SBF2: variants seen among roughly 807,000 people sequenced by gnomAD.
SBF2 encodes the protein SET binding factor 2.
SBF2 carries 112 observed loss-of-function variants against 225.2 expected under a neutral mutation model. The observed-to-expected ratio is 0.50, with a 90% CI of 0.43 to 0.58. The LOEUF (loss-of-function observed/expected upper bound fraction) is 0.58, where lower values mean the gene tolerates loss of function less well. Among genes scored for constraint, SBF2 ranks in the 20% least tolerant of loss-of-function variants. SBF2 has a pLI of 0.00. For synonymous variants in SBF2, 763 were observed against 773.3 expected (o/e 0.99, Z 0.22); for missense variants, 1,996 against 2,206.2 (o/e 0.90, Z 1.91).
chr11:10,066,893 T>C (rs934990258), intron 2 of SBF2, among the ~76,000 whole-genome samples: 2 of 152,222 alleles, frequency 1.3e-5, no homozygotes, highest in Non-Finnish European at 2.9e-5. Context: ...GTAGAACACA[T>C]GATCAATATA....
chr11:9,910,265 A>G (rs1323210856), intron 16 of SBF2, among the ~76,000 whole-genome samples: 3 of 152,210 alleles, frequency 2.0e-5, no homozygotes, highest in African/African-American at 7.2e-5. Flanking sequence ...TGTAACATCC[A>G]AGAGAGCACA....
intron 28 of SBF2, among the ~76,000 whole-genome samples, chr11:9,818,426 T>C (rs1854571643): frequency 6.6e-6 from 1 of 152,232 alleles, no homozygotes; most frequent in Non-Finnish European, 1.5e-5. Context: ...ACTAGCACTG[T>C]ATCACCTTCA....
intron 16 of SBF2, among the ~76,000 whole-genome samples, chr11:9,921,543 GC>G (rs1188890720): frequency 1.3e-5 from 2 of 152,152 alleles, no homozygotes; most frequent in Non-Finnish European, 2.9e-5. Context: ...TTCTGATATG[GC>G]CTTGAAACAT....
At chr11:9,976,418 T>C (rs1946685804) in intron 13 of SBF2, among the ~76,000 whole-genome samples, 1 of 152,120 alleles carries the variant, frequency 6.6e-6, no homozygotes. Context: ...TCTTTAATAT[T>C]TCCTTTAACT....
At chr11:10,228,413 A>G (rs1439615464) in intron 1 of SBF2, among the ~76,000 whole-genome samples, 3 of 152,152 alleles carry the variant, frequency 2.0e-5, no homozygotes, top group Non-Finnish European at 4.4e-5. Flanking sequence ...TTTCAAAAGG[A>G]ATGCTTCCAG....
At chr11:10,110,273 A>G (rs1426105198) in intron 2 of SBF2, among the ~76,000 whole-genome samples, 1 of 152,190 alleles carries the variant, frequency 6.6e-6, no homozygotes, top group African/African-American at 2.4e-5. Context: ...CAAACTACAT[A>G]TCGAGTAGTT....
intron 2 of SBF2, among the ~76,000 whole-genome samples, chr11:10,066,436 T>A (rs1455567248): frequency 6.6e-6 from 1 of 151,940 alleles, no homozygotes; most frequent in African/African-American, 2.4e-5. Context: ...AACACAGGAA[T>A]ACAGGGTTGA....
intron 33 of SBF2, among the ~76,000 whole-genome samples, chr11:9,792,368 T>G (rs1019162616): frequency 6.6e-6 from 1 of 151,384 alleles, no homozygotes; most frequent in African/African-American, 2.4e-5. Flanking sequence ...GAGGTGGAGG[T>G]TGCAGTGAGC....
chr11:9,974,078 C>T (rs979421141), intron 13 of SBF2, among the ~76,000 whole-genome samples: 2 of 151,960 alleles, frequency 1.3e-5, no homozygotes, highest in African/African-American at 4.8e-5. Flanking sequence ...TTTAGAGTTG[C>T]CTGGTAGTGT....
At chr11:10,167,202 G>C (rs1955996151) in intron 2 of SBF2, among the ~76,000 whole-genome samples, 1 of 152,038 alleles carries the variant, frequency 6.6e-6, no homozygotes, top group African/African-American at 2.4e-5. Context: ...TTAAATAATG[G>C]TTAATTTAAC....
rs542932233 is a variant in SBF2 at position 10,056,257 on chromosome 11, A to T, written c.142-13276T>A. 3.3e-5 allele frequency among the ~76,000 whole-genome samples: 5 copies of T among 152,114 alleles called. No individual in the cohort carries two copies. The South Asian group carries it at 1.0e-3, about 32-fold the overall frequency. On this transcript the variant is annotated intron_variant, in intron 2 of 39. Transcript: ENST00000256190. ...TTGGTTCCATATAAATTTTAAAATAATTTTTTCTAGTCCTGTGAAGAATGT... is the reference window on the plus strand; with the variant it reads ...TTGGTTCCATATAAATTTTAAAATATTTTTTTCTAGTCCTGTGAAGAATGT...
chr11:10,196,876 T>TTTTTTTTTTTTTTTTTTTC (rs71034756), intron 1 of SBF2, among the ~76,000 whole-genome samples: 1 of 119,100 alleles, frequency 8.4e-6, no homozygotes, highest in Admixed American at 8.3e-5. Context: ...ATTTTTTTTT[T>TTTTTTTTTTTTTTTTTTTC]CCTACAAAAT....
chr11:9,935,035 A>C (rs1194740079), intron 16 of SBF2, among the ~76,000 whole-genome samples: 1 of 152,228 alleles, frequency 6.6e-6, no homozygotes, highest in Non-Finnish European at 1.5e-5. Context: ...TGCAGATGAC[A>C]TGATTGTATA....
chr11:10,023,148 T>C (rs1009917223), intron 6 of SBF2, among the ~76,000 whole-genome samples: 7 of 152,218 alleles, frequency 4.6e-5, no homozygotes, highest in Non-Finnish European at 1.0e-4. Context: ...TATCATTTTT[T>C]TCTTTATTGA....
intron 17 of SBF2, among the ~76,000 whole-genome samples, chr11:9,881,515 G>C (rs1252968594): frequency 2.0e-5 from 3 of 151,964 alleles, no homozygotes; most frequent in African/African-American, 7.3e-5. Flanking sequence ...CCAAATAAGG[G>C]GAAACTGTCC....
intron 2 of SBF2, among the ~76,000 whole-genome samples, chr11:10,046,426 G>A (rs1949862160): frequency 6.6e-6 from 1 of 152,024 alleles, no homozygotes. Context: ...TGACCAAGTG[G>A]AATTCATCCC....
At chr11:9,856,953 A>T (rs1322571838) in intron 18 of SBF2, among the ~76,000 whole-genome samples, 2 of 151,854 alleles carry the variant, frequency 1.3e-5, no homozygotes, top group African/African-American at 4.8e-5. Flanking sequence ...ACGCCCAGCT[A>T]ATTTTTTGTA....
intron 1 of SBF2, among the ~76,000 whole-genome samples, chr11:10,250,168 T>C (rs1960207366): frequency 6.6e-6 from 1 of 152,102 alleles, no homozygotes; most frequent in Non-Finnish European, 1.5e-5. Flanking sequence ...AAAAAGTTAA[T>C]TAAATACCAA....
chr11:10,206,017 A>G lies in SBF2; in HGVS notation c.56-12030T>C, dbSNP rs147659793. On this transcript the variant is annotated intron_variant, in intron 1 of 39. Transcript: ENST00000256190. ...CTGTAACAAGCAGTCTGGCCCAGGT[A>G]GTCTCTTTGTCCTCATGAGTCAGAA... Among the ~76,000 whole-genome samples, 52 of 152,062 alleles carry G rather than the reference A, an allele frequency of 3.4e-4. 1 individual carries two copies. The highest frequency in any genetic ancestry group is 1.2e-3 in the African/African-American group (51 of 41,528).
Sources: allele counts gnomAD v4.1 joint callset (sites outside exome capture counted in the v4.1 genomes callset), GRCh38; gene constraint gnomAD v4.1.1; transcripts MANE v1.5; gene names NCBI Gene and HGNC (gene_info 2026-07-23, HGNC 2026-07-21).